The following PCDHA10 variants were observed in gnomAD, a reference collection of about 807,000 sequenced individuals.
The protein encoded by PCDHA10 is protocadherin alpha-10.
PCDHA10 carries 45 observed loss-of-function variants against 61.2 expected under a neutral mutation model. The ratio of observed to expected loss-of-function variants is 0.74; its 90% CI spans 0.58 to 0.94. PCDHA10 has a LOEUF of 0.94. Ranked by LOEUF, PCDHA10 falls within the 40% of genes least tolerant of loss-of-function variation. The pLI is 0.00. For synonymous variants in PCDHA10, 602 were observed against 548.8 expected, an observed-to-expected ratio of 1.10 and a Z score of -1.35; for missense variants, 1,278 against 1,236.2, an observed-to-expected ratio of 1.03 and a Z score of -0.51.
intron 3 of PCDHA10, among the ~76,000 whole-genome samples, chr5:141,008,228 T>C (rs2098365726): frequency 1.3e-5 from 2 of 152,210 alleles, no homozygotes; most frequent in African/African-American, 4.8e-5. Context: ...GTTAGAAAAT[T>C]ACTGCTCAGG....
intron 1 of PCDHA10, among the ~76,000 whole-genome samples, chr5:140,970,888 A>G (rs1452967166): frequency 6.6e-6 from 1 of 152,154 alleles, no homozygotes; most frequent in Non-Finnish European, 1.5e-5. Flanking sequence ...TTTCTCATGG[A>G]CATTTCAGAT....
intron 1 of PCDHA10, chr5:140,884,803 C>A: frequency 1.6e-6 from 2 of 1,225,132 alleles, no homozygotes; most frequent in Non-Finnish European, 2.2e-6. Context: ...AATTTAACAA[C>A]TCTGCTGTGG....
Position 140,858,751 on chromosome 5 carries a change from G to A in PCDHA10, c.2388+315G>A, listed in dbSNP as rs938240146. On this transcript the variant is annotated intron_variant, in intron 1 of 3. Coordinates refer to ENST00000307360, the MANE Select transcript of PCDHA10 (RefSeq NM_018901.4). ...CGATTTACTTTCATAATCACTTTTC[G>A]TTACAAATATTTGTGAGATTAGTAC... 35 of 456,172 alleles carry A rather than the reference G, an allele frequency of 7.7e-5. 1 individual carries two copies. In the East Asian group the frequency reaches 9.6e-4, roughly 13 times the overall value. 28.3% of individuals were successfully genotyped at this position (456,172 alleles called of 1,614,324 possible).
rs1269379462 is a variant in PCDHA10, at chr5:141,005,696, C to T, written c.2537-3931C>T. 3.0e-4 allele frequency among the ~76,000 whole-genome samples: 31 copies of T among 105,030 alleles called. No individual in the cohort carries two copies. In the East Asian group the frequency reaches 8.2e-3, roughly 28 times the overall value. 68.9% of individuals were successfully genotyped at this position (105,030 alleles called of 152,430 possible). ...CAGCCTGGGCGACAGAGCGAAACTC[C>T]GTCTCAAAAAAAAAAAAAAAAAAAA... is the stretch of plus-strand genomic sequence containing the variant. On this transcript the variant is annotated intron_variant, in intron 3 of 3. Transcript: ENST00000307360.
chr5:140,978,377 G>A (rs1382683424), intron 1 of PCDHA10, among the ~76,000 whole-genome samples: 3 of 152,212 alleles, frequency 2.0e-5, no homozygotes, highest in Non-Finnish European at 4.4e-5. Context: ...GCAATAGTTT[G>A]TTTTCCTCTC....
intron 1 of PCDHA10, chr5:140,928,319 AG>A: frequency 6.2e-7 from 1 of 1,614,200 alleles, no homozygotes. Flanking sequence ...GACCTGGGGA[AG>A]AATGGCCTTG....
At chr5:140,941,957 A>G (rs1254816482) in intron 1 of PCDHA10, among the ~76,000 whole-genome samples, 1 of 152,234 alleles carries the variant, frequency 6.6e-6, no homozygotes, top group Non-Finnish European at 1.5e-5. Flanking sequence ...TGAAAACAAT[A>G]GTATCTTTAC....
intron 3 of PCDHA10, among the ~76,000 whole-genome samples, chr5:141,004,400 G>A (rs183932833): frequency 7.4e-4 from 113 of 152,304 alleles, no homozygotes; most frequent in African/African-American, 2.7e-3. Flanking sequence ...TGTGGAGGAG[G>A]CACCTGACTA....
Position 140,946,631 on chromosome 5 carries a change from T to TATATATATATATATACAC in PCDHA10, c.2389-32317_2389-32316insTATATATATATATACACA, listed in dbSNP as rs57893927. 8.0e-4 allele frequency among the ~76,000 whole-genome samples: 106 copies of TATATATATATATATACAC among 131,838 alleles called. 2 individuals carry two copies. The East Asian group carries it at 0.018, about 23-fold the overall frequency. 86.5% of individuals were successfully genotyped at this position (131,838 alleles called of 152,430 possible). A position where few individuals can be genotyped will look rare whatever the true frequency, so the allele number is the denominator to read the frequency against. On this transcript the variant is annotated intron_variant, in intron 1 of 3. Transcript: ENST00000307360. ...TGTGAAATATATATATATATATATA[T>TATATATATATATATACAC]ACAATGGAATACTCATCAGCCATTA...
intron 1 of PCDHA10, chr5:140,871,023 C>T: frequency 6.2e-7 from 1 of 1,613,268 alleles, no homozygotes; most frequent in Non-Finnish European, 8.5e-7. Context: ...ACGAGGCAGA[C>T]TCGCCGCGCC....
rs782328874 is a variant in PCDHA10, at chr5:141,009,755, C to G, written c.2665C>G (p.Pro889Ala). The G allele has an allele frequency of 6.2e-7, 1 of 1,614,002 alleles. No homozygotes were observed. Among genetic ancestry groups the G allele is most frequent in the African/African-American group, 1.3e-5 (1 of 74,894 alleles). ...TGAGTTGCCCGACAAATTCATTATC[C>G]CAGGATCTCCTGCAATCATCTCCAT... ...PGELPDKFII[P>A]GSPAIISIRQ... Residue 889 changes from proline (P) to alanine (A), a missense_variant, in exon 4 of 4, where the codon CCA becomes GCA. Physicochemically the swap from Pro to Ala is conservative, Grantham distance 27. Coordinates refer to ENST00000307360, the MANE Select transcript of PCDHA10 (RefSeq NM_018901.4).
At chr5:141,008,347 G>A (rs551037675) in intron 3 of PCDHA10, among the ~76,000 whole-genome samples, 7 of 152,244 alleles carry the variant, frequency 4.6e-5, no homozygotes, top group South Asian at 2.1e-4. Flanking sequence ...AGCTTTTCAC[G>A]TGTCAACCAA....
intron 1 of PCDHA10, among the ~76,000 whole-genome samples, chr5:140,941,941 T>G (rs1461291615): frequency 1.3e-5 from 2 of 152,246 alleles, no homozygotes; most frequent in Admixed American, 1.3e-4. Context: ...TGAATTACTT[T>G]TGTTTTGAAA....
At chr5:140,917,598 G>A (rs2078274580) in intron 1 of PCDHA10, among the ~76,000 whole-genome samples, 1 of 152,174 alleles carries the variant, frequency 6.6e-6, no homozygotes, top group Non-Finnish European at 1.5e-5. Flanking sequence ...TGAAAGGAAG[G>A]GGTCCAGTTT....
intron 1 of PCDHA10, among the ~76,000 whole-genome samples, chr5:140,895,100 T>G (rs1306041919): frequency 2.0e-5 from 3 of 152,190 alleles, no homozygotes; most frequent in African/African-American, 7.2e-5. Context: ...TAGGGGTTTT[T>G]GCTACAAGAA....
intron 1 of PCDHA10, among the ~76,000 whole-genome samples, chr5:140,973,210 C>T (rs112667484): frequency 0.028 from 4,273 of 152,266 alleles, 188 homozygotes; most frequent in African/African-American, 0.096. Flanking sequence ...CATATTCACC[C>T]TAATTCCAGG....
In PCDHA10 at chr5:140,883,991, G is replaced by A. The variant is rs1475054823; in HGVS notation, c.2388+25555G>A. ...GACGCCCGGGGCTGGCAGCGCGGGA[G>A]GCACAGTGAGCGAGCTGATGCCGCG... On this transcript the variant is annotated intron_variant, in intron 1 of 3. Transcript: ENST00000307360. 2 of 1,612,972 alleles carry A rather than the reference G, an allele frequency of 1.2e-6. No individual in the cohort carries two copies. The highest frequency in any genetic ancestry group is 2.2e-5 in the East Asian group (1 of 44,862).
At position 140,927,047 on chromosome 5, in the gene PCDHA10, C is replaced by T. The variant is rs782800214; in HGVS notation, c.2389-51902C>T. On this transcript the variant is annotated intron_variant, in intron 1 of 3. Coordinates refer to ENST00000307360, the MANE Select transcript of PCDHA10 (RefSeq NM_018901.4). ...AGGCTGCCAGCGGCCGCTATGTCCT[C>T]GCGGAACTTTCGCTTCCTTTCCAGC... The T allele has an allele frequency of 2.5e-6, 4 of 1,612,066 alleles. No homozygotes were observed. The highest frequency in any genetic ancestry group is 1.7e-5 in the Admixed American group (1 of 59,932).
intron 3 of PCDHA10, among the ~76,000 whole-genome samples, chr5:141,003,148 GA>G (rs1554258931): frequency 1.3e-5 from 2 of 152,188 alleles, no homozygotes; most frequent in African/African-American, 4.8e-5. Flanking sequence ...CAAAGACTCT[GA>G]CCTGATCAAT....
Sources: gnomAD v4.1 joint callset for allele counts (sites outside exome capture counted in the v4.1 genomes callset) on GRCh38, gnomAD v4.1.1 for gene constraint, MANE v1.5 for transcripts, NCBI Gene and HGNC (gene_info 2026-07-23, HGNC 2026-07-21) for gene names.